Variants in GLT1D1 observed in about 807,000 individuals in gnomAD.
GLT1D1 encodes glycosyltransferase 1 domain containing 1.
A neutral mutation model predicts 28.7 loss-of-function variants in GLT1D1; 21 were observed. That is an observed-to-expected ratio of 0.73 (90% CI 0.52 to 1.05). GLT1D1 has a LOEUF of 1.05. Among genes scored for constraint, GLT1D1 ranks in the 50% least tolerant of loss-of-function variants. The pLI, the probability that GLT1D1 is intolerant of heterozygous loss-of-function variation, is 0.00. For synonymous variants in GLT1D1, 147 were observed against 124.8 expected (o/e 1.18, Z -1.19); for missense variants, 343 against 330.6 (o/e 1.04, Z -0.29).
At chr12:128,970,572 C>G (rs1219764647) in intron 7 of GLT1D1, among the ~76,000 whole-genome samples, 1 of 152,244 alleles carries the variant, frequency 6.6e-6, no homozygotes, top group Non-Finnish European at 1.5e-5. Context: ...GAAAATGCCA[C>G]TGCTGGCCTG....
chr12:128,906,992 C>G (rs1870946657), intron 4 of GLT1D1: 2 of 701,494 alleles, frequency 2.9e-6, no homozygotes, highest in South Asian at 3.0e-5. Flanking sequence ...TAGCGCTGGC[C>G]TAATCGGAAT....
At chr12:128,866,262 G>A (rs1956514437) in intron 1 of GLT1D1, among the ~76,000 whole-genome samples, 1 of 146,840 alleles carries the variant, frequency 6.8e-6, no homozygotes, top group Non-Finnish European at 1.5e-5. Context: ...GTAGCAACCT[G>A]GTTTCACCAT....
At chr12:128,930,898 G>A (rs745890393) in intron 4 of GLT1D1, among the ~76,000 whole-genome samples, 1 of 152,046 alleles carries the variant, frequency 6.6e-6, no homozygotes, top group Non-Finnish European at 1.5e-5. Flanking sequence ...TTAAGTAATA[G>A]TCTTTTAGGA....
intron 1 of GLT1D1, among the ~76,000 whole-genome samples, chr12:128,867,799 A>G (rs1206633025): frequency 6.6e-6 from 1 of 152,130 alleles, no homozygotes; most frequent in African/African-American, 2.4e-5. Context: ...GGAGCATGGA[A>G]TCTCCCCAGA....
chr12:128,855,244 C>CAAAAAAAAAAAAAAAAAAAAAAA (rs58029693), intron 1 of GLT1D1, among the ~76,000 whole-genome samples: 1 of 102,406 alleles, frequency 9.8e-6, no homozygotes, highest in Non-Finnish European at 2.0e-5. Flanking sequence ...AAAAAAAAAA[C>CAAAAAAAAAAAAAAAAAAAAAAA]AACAACAACA....
At chr12:128,930,850 G>A (rs1273791964) in intron 4 of GLT1D1, among the ~76,000 whole-genome samples, 4 of 152,174 alleles carry the variant, frequency 2.6e-5, no homozygotes, top group East Asian at 1.9e-4. Flanking sequence ...GCTGCCTGCC[G>A]GTGAGGGAGC....
At chr12:128,933,181 T>C (rs1341807058) in intron 4 of GLT1D1, among the ~76,000 whole-genome samples, 1 of 152,230 alleles carries the variant, frequency 6.6e-6, no homozygotes, top group East Asian at 1.9e-4. Flanking sequence ...GCCCTGTTTA[T>C]CAGTGTCCAT....
chr12:128,862,083 T>C (rs1956393358), intron 1 of GLT1D1, among the ~76,000 whole-genome samples: 1 of 152,042 alleles, frequency 6.6e-6, no homozygotes, highest in South Asian at 2.1e-4. Context: ...GATCCCAGCA[T>C]TTTGGGAGGC....
intron 1 of GLT1D1, chr12:128,864,183 A>G (rs761650738): frequency 7.3e-6 from 5 of 682,710 alleles, no homozygotes; most frequent in South Asian, 1.5e-5. Flanking sequence ...ACACACTGTA[A>G]GTTTTTGTTG....
At chr12:128,931,418 C>T (rs1873872950) in intron 4 of GLT1D1, among the ~76,000 whole-genome samples, 1 of 151,998 alleles carries the variant, frequency 6.6e-6, no homozygotes, top group African/African-American at 2.4e-5. Flanking sequence ...AGCGACTCTC[C>T]TGTCTCAGCC....
intron 4 of GLT1D1, among the ~76,000 whole-genome samples, chr12:128,906,577 A>G (rs1412670409): frequency 6.6e-6 from 1 of 152,206 alleles, no homozygotes; most frequent in Admixed American, 6.5e-5. Flanking sequence ...CTATATTTAA[A>G]AAATCCTGTT....
chr12:128,910,231 T>G (rs1871364448), intron 4 of GLT1D1, among the ~76,000 whole-genome samples: 1 of 151,348 alleles, frequency 6.6e-6, no homozygotes, highest in African/African-American at 2.4e-5. Context: ...AGTCAATTCC[T>G]TCTGCTGACA....
intron 4 of GLT1D1, among the ~76,000 whole-genome samples, chr12:128,909,937 A>G (rs1871346737): frequency 6.6e-6 from 1 of 152,276 alleles, no homozygotes; most frequent in Non-Finnish European, 1.5e-5. Flanking sequence ...AGAGAGAACA[A>G]TAATAAATAT....
At chr12:128,915,069 G>A (rs1871966677) in intron 4 of GLT1D1, 80 bp downstream of exon 6, 8 of 1,176,308 alleles carry the variant, frequency 6.8e-6, no homozygotes, top group East Asian at 2.6e-5. Context: ...ACGTTCATGC[G>A]GTTTTGAAAA....
At chr12:128,942,789 C>T (rs967702441) in intron 4 of GLT1D1, among the ~76,000 whole-genome samples, 1 of 146,228 alleles carries the variant, frequency 6.8e-6, no homozygotes, top group African/African-American at 2.6e-5. Context: ...CTCGCTCTGC[C>T]CCCCAGGCTG....
intron 4 of GLT1D1, among the ~76,000 whole-genome samples, chr12:128,942,298 C>A (rs1261607838): frequency 2.0e-5 from 3 of 152,064 alleles, no homozygotes; most frequent in Non-Finnish European, 2.9e-5. Context: ...TTTGGTAGTT[C>A]ACAACATTTT....
chr12:128,887,053 C>A (rs1868474570), intron 2 of GLT1D1, among the ~76,000 whole-genome samples: 2 of 151,794 alleles, frequency 1.3e-5, no homozygotes, highest in Admixed American at 1.3e-4. Flanking sequence ...GCTCTATCAC[C>A]CAGGCTGCAG....
At chr12:128,965,348 C>T (rs1339010500) in intron 7 of GLT1D1, among the ~76,000 whole-genome samples, 3 of 152,166 alleles carry the variant, frequency 2.0e-5, no homozygotes, top group Non-Finnish European at 1.5e-5. Flanking sequence ...GCCCTACAAC[C>T]ACAGAAACTG....
chr12:128,895,499 C>A (rs1278089551), intron 3 of GLT1D1, among the ~76,000 whole-genome samples: 2 of 151,266 alleles, frequency 1.3e-5, no homozygotes, highest in Admixed American at 6.6e-5. Flanking sequence ...CTCTGTCACC[C>A]AGGCTGGAGT....
Sources: allele counts gnomAD v4.1 joint callset (sites outside exome capture counted in the v4.1 genomes callset), GRCh38; gene constraint gnomAD v4.1.1; transcripts MANE v1.5; gene names NCBI Gene and HGNC (gene_info 2026-07-23, HGNC 2026-07-21).